RP1: variants seen among roughly 807,000 people sequenced by gnomAD.
The protein encoded by RP1 is RP1 axonemal microtubule associated.
A neutral mutation model predicts 14.8 loss-of-function variants in RP1; 16 were observed. That is an observed-to-expected ratio of 1.08 (90% confidence interval 0.73 to 1.65). The LOEUF (loss-of-function observed/expected upper bound fraction) is 1.65, where lower values mean the gene tolerates loss of function less well. Among genes scored for constraint, RP1 ranks in the 40% most tolerant of loss-of-function variants. The pLI is 0.00. For missense variants in RP1, 2,631 were observed against 2,535.0 expected (o/e 1.04, Z -0.81); for synonymous variants, 876 against 883.6 (o/e 0.99, Z 0.15).
chr8:54,742,641 A>G (rs150326029), intron 19 of RP1, among the ~76,000 whole-genome samples: 39 of 152,370 alleles, frequency 2.6e-4, no homozygotes, highest in Non-Finnish European at 4.0e-4. Flanking sequence ...AAAGAATTCT[A>G]AGATGAGAAA....
chr8:54,771,606 TA>T (rs1198839104), downstream of RP1, among the ~76,000 whole-genome samples: 1 of 152,058 alleles, frequency 6.6e-6, no homozygotes, highest in Non-Finnish European at 1.5e-5. Flanking sequence ...CATTAAAATG[TA>T]TATTTTTTAT....
At chr8:54,867,797 C>A (rs1812492336) in intron 28 of RP1, among the ~76,000 whole-genome samples, 1 of 151,974 alleles carries the variant, frequency 6.6e-6, no homozygotes, top group Admixed American at 6.6e-5. Flanking sequence ...CTGCACAGTC[C>A]AATATGGTAG....
At position 54,568,423 on chromosome 8, in the gene RP1, C is replaced by T. The variant is rs139909614; in HGVS notation, c.-13+9103C>T. On this transcript the variant is annotated intron_variant, in intron 1 of 22. Coordinates refer to the RP1 transcript ENST00000636932. ...ATTGGCCAGAACTGGTGGTAGTGTT[C>T]CTGAGTTATTTTGTTCTTGAGTTAT... 1.3e-4 allele frequency among the ~76,000 whole-genome samples: 20 copies of T among 152,164 alleles called. No individual in the cohort carries two copies. The East Asian group carries it at 3.7e-3, about 28-fold the overall frequency.
chr8:54,709,899 C>T (rs1219175418), intron 15 of RP1, among the ~76,000 whole-genome samples: 2 of 152,188 alleles, frequency 1.3e-5, no homozygotes, highest in Non-Finnish European at 2.9e-5. Flanking sequence ...CTGTATTTAA[C>T]AAGCAGTTTG....
At chr8:54,723,993 G>A (rs1808594157) in intron 16 of RP1, among the ~76,000 whole-genome samples, 1 of 152,098 alleles carries the variant, frequency 6.6e-6, no homozygotes, top group South Asian at 2.1e-4. Flanking sequence ...AAAAATGCAG[G>A]ACTGAAGATA....
chr8:54,650,134 A>G (rs1399726360), intron 4 of RP1, among the ~76,000 whole-genome samples: 3 of 152,220 alleles, frequency 2.0e-5, no homozygotes, highest in Non-Finnish European at 4.4e-5. Flanking sequence ...GTAATAAGAA[A>G]GGAACACCCT....
At chr8:54,761,502 G>A (rs778199891) in intron 22 of RP1, among the ~76,000 whole-genome samples, 2 of 151,976 alleles carry the variant, frequency 1.3e-5, no homozygotes, top group Non-Finnish European at 2.9e-5. Flanking sequence ...CTCCCAAACT[G>A]CTGGATTACA....
chr8:54,845,809 G>A (rs1243343616), intron 25 of RP1, among the ~76,000 whole-genome samples: 2 of 152,100 alleles, frequency 1.3e-5, no homozygotes, highest in Admixed American at 6.6e-5. Flanking sequence ...TTTGCTTCTG[G>A]GGCCAAAATT....
chr8:54,595,132 A>AT (rs1290366781), intron 1 of RP1, among the ~76,000 whole-genome samples: 439 of 141,474 alleles, frequency 3.1e-3, no homozygotes, highest in East Asian at 0.012. Context: ...TCCTCCAAAC[A>AT]TTTTTTTTTT....
At position 54,734,408 on chromosome 8, in the gene RP1, G is replaced by T. The variant is rs1011199131; in HGVS notation, c.2522-137G>T. ...GACAAGCGCAAATCAGCTCCCTGGA[G>T]TCTTCACAGTGCAGTGCCTCCTGCT... On this transcript the variant is annotated intron_variant, in intron 17 of 22. Coordinates refer to the RP1 transcript ENST00000636932. The T allele has an allele frequency of 2.5e-5, 17 of 683,570 alleles. No homozygotes were observed. In the African/African-American group the frequency reaches 2.7e-4, roughly 11 times the overall value. The allele number at this position is 683,570 out of a possible 1,614,324, so 42.3% of individuals were successfully genotyped here.
chr8:54,825,271 C>T (rs1329120121), intron 24 of RP1, among the ~76,000 whole-genome samples: 1 of 152,162 alleles, frequency 6.6e-6, no homozygotes, highest in African/African-American at 2.4e-5. Flanking sequence ...TAACACTATT[C>T]TTAATGGCAA....
At chr8:54,581,297 T>C (rs1388096620) in intron 1 of RP1, among the ~76,000 whole-genome samples, 1 of 152,156 alleles carries the variant, frequency 6.6e-6, no homozygotes, top group Non-Finnish European at 1.5e-5. Flanking sequence ...AGAATGATGG[T>C]TTCTAGCTTC....
chr8:54,565,579 C>T (rs1804385451), intron 1 of RP1, among the ~76,000 whole-genome samples: 1 of 152,092 alleles, frequency 6.6e-6, no homozygotes, highest in Non-Finnish European at 1.5e-5. Flanking sequence ...ACCCAGACAC[C>T]AGGATTGCCT....
At chr8:54,563,508 C>A (rs1032111480) in intron 1 of RP1, among the ~76,000 whole-genome samples, 5 of 148,062 alleles carry the variant, frequency 3.4e-5, no homozygotes, top group African/African-American at 7.5e-5. Flanking sequence ...TTACAAGTGT[C>A]AGCTATTATT....
intron 25 of RP1, among the ~76,000 whole-genome samples, chr8:54,840,162 A>G (rs1474966525): frequency 6.6e-6 from 1 of 152,188 alleles, no homozygotes; most frequent in African/African-American, 2.4e-5. Flanking sequence ...TTAAAAAAAT[A>G]TTGAAATCCA....
intron 4 of RP1, among the ~76,000 whole-genome samples, chr8:54,652,148 C>T (rs1806668620): frequency 6.6e-6 from 1 of 152,114 alleles, no homozygotes; most frequent in Non-Finnish European, 1.5e-5. Context: ...GCTGGGATTA[C>T]AGGCGCCTGC....
intron 1 of RP1, among the ~76,000 whole-genome samples, chr8:54,616,542 A>G (rs977188858): frequency 2.0e-5 from 3 of 152,232 alleles, no homozygotes; most frequent in African/African-American, 7.2e-5. Flanking sequence ...CTTGTAATTC[A>G]ACAATGCTGT....
intron 24 of RP1, among the ~76,000 whole-genome samples, chr8:54,831,253 A>G (rs557458316): frequency 4.6e-5 from 7 of 152,000 alleles, no homozygotes; most frequent in Non-Finnish European, 7.4e-5. Context: ...TGGTAATACT[A>G]TATTTAACAT....
upstream of RP1, among the ~76,000 whole-genome samples, chr8:54,615,791 C>T (rs1805703191): frequency 6.6e-6 from 1 of 152,126 alleles, no homozygotes; most frequent in Non-Finnish European, 1.5e-5. Context: ...TCATTTTTAG[C>T]CTGCACAATA....
Sources: allele counts gnomAD v4.1 joint callset (sites outside exome capture counted in the v4.1 genomes callset), GRCh38; gene constraint gnomAD v4.1.1; transcripts MANE v1.5; gene names NCBI Gene and HGNC (gene_info 2026-07-23, HGNC 2026-07-21).